Variants in CERS6 observed in about 807,000 individuals in gnomAD.
CERS6 encodes the protein ceramide synthase 6, also known as LAG1 homolog, ceramide synthase 6.
Under a neutral mutation model 56.8 loss-of-function variants are expected in CERS6, and 26 were observed. That is an observed-to-expected ratio of 0.46 (90% CI 0.34 to 0.63). CERS6 has a LOEUF of 0.63. Ranked by LOEUF, CERS6 falls within the 30% of genes least tolerant of loss-of-function variation. The pLI is 0.01. For synonymous variants in CERS6, 164 were observed against 173.3 expected, an observed-to-expected ratio of 0.95 and a Z score of 0.42; for missense variants, 415 against 467.5, an observed-to-expected ratio of 0.89 and a Z score of 1.04.
At chr2:168,593,667 A>C (rs1454074699) in intron 3 of CERS6, among the ~76,000 whole-genome samples, 1 of 152,232 alleles carries the variant, frequency 6.6e-6, no homozygotes, top group African/African-American at 2.4e-5. Flanking sequence ...TTGACAGGTC[A>C]GGAGATTCTG....
Position 168,456,694 on chromosome 2 carries a change from G to C in CERS6, c.170+76G>C. ...CGCACACACTCGCGCGCTCTCTGGCGCACGCCCCCGCGCCCCCAACGCTCG... is the reference window on the plus strand; with the variant it reads ...CGCACACACTCGCGCGCTCTCTGGCCCACGCCCCCGCGCCCCCAACGCTCG... On this transcript the variant is annotated intron_variant, in intron 1 of 9. Transcript: ENST00000305747. The surrounding 1 kb of genome is among the most constrained non-coding windows in gnomAD (Gnocchi z 4.1). 1 of 1,421,422 alleles carries C rather than the reference G, an allele frequency of 7.0e-7. No homozygotes were observed. The highest frequency in any genetic ancestry group is 1.3e-5 in the South Asian group (1 of 79,112). The allele number at this position is 1,421,422 out of a possible 1,614,324, so 88.1% of individuals were successfully genotyped here. A position where few individuals can be genotyped will look rare whatever the true frequency, so the allele number is the denominator to read the frequency against.
intron 3 of CERS6, among the ~76,000 whole-genome samples, chr2:168,622,019 T>A (rs1348422556): frequency 6.6e-6 from 1 of 152,242 alleles, no homozygotes; most frequent in South Asian, 2.1e-4. Context: ...ACAGAATCTT[T>A]TAATAATGAA....
chr2:168,751,355 A>C (rs1302296891), intron 8 of CERS6, among the ~76,000 whole-genome samples: 4 of 152,152 alleles, frequency 2.6e-5, no homozygotes, highest in Non-Finnish European at 4.4e-5. Flanking sequence ...CTACTGGATG[A>C]GGGGGAGGTG....
intron 8 of CERS6, among the ~76,000 whole-genome samples, chr2:168,728,769 G>A (rs1008775132): frequency 1.3e-5 from 2 of 151,768 alleles, no homozygotes; most frequent in Non-Finnish European, 2.9e-5. Context: ...ACTTTGGGAG[G>A]CCGAGGAGGG....
chr2:168,498,482 A>T (rs1694514951), intron 1 of CERS6, among the ~76,000 whole-genome samples: 1 of 152,192 alleles, frequency 6.6e-6, no homozygotes. Context: ...TACACCAAGC[A>T]GGGTGGCCGG....
intron 3 of CERS6, among the ~76,000 whole-genome samples, chr2:168,602,863 G>T (rs11678181): frequency 8.5e-5 from 13 of 152,060 alleles, no homozygotes; most frequent in Non-Finnish European, 1.6e-4. Flanking sequence ...CAAAAATACA[G>T]GTTCCTGTAG....
intron 6 of CERS6, among the ~76,000 whole-genome samples, chr2:168,712,250 T>G (rs73028479): frequency 0.025 from 3,764 of 152,268 alleles, 122 homozygotes; most frequent in African/African-American, 0.08. Context: ...CTGGTTTCTG[T>G]TGCCTTTGTA....
chr2:168,713,654 A>G lies in CERS6; in HGVS notation c.610-1347A>G, dbSNP rs557595225. 5.9e-5 allele frequency among the ~76,000 whole-genome samples: 9 copies of G among 152,270 alleles called. No homozygotes were observed. In the East Asian group the frequency reaches 1.7e-3, roughly 29 times the overall value. The stretch of plus-strand genomic sequence containing the variant: ...CAATTTACTGTTATTTCTGCAAAAT[A>G]TATTTTTTTCTAATGTCTATGGACA... On this transcript the variant is annotated intron_variant, in intron 6 of 9. Coordinates refer to ENST00000305747, the MANE Select transcript of CERS6 (RefSeq NM_203463.3).
chr2:168,664,302 T>C (rs989547340), intron 4 of CERS6, among the ~76,000 whole-genome samples: 2 of 152,114 alleles, frequency 1.3e-5, no homozygotes, highest in Non-Finnish European at 2.9e-5. Flanking sequence ...TCCACACAGA[T>C]GTGATGGCAC....
chr2:168,646,790 A>G (rs1344159451), intron 4 of CERS6, among the ~76,000 whole-genome samples: 1 of 152,156 alleles, frequency 6.6e-6, no homozygotes, highest in East Asian at 1.9e-4. Context: ...CATTTATTGA[A>G]TAGGGAGTCT....
chr2:168,480,445 A>T (rs1338207161), intron 1 of CERS6, among the ~76,000 whole-genome samples: 1 of 152,202 alleles, frequency 6.6e-6, no homozygotes, highest in Non-Finnish European at 1.5e-5. Flanking sequence ...GAACTTTGAA[A>T]TTATAAAACC....
intron 4 of CERS6, among the ~76,000 whole-genome samples, chr2:168,643,730 A>G (rs1323640774): frequency 1.3e-5 from 2 of 152,076 alleles, no homozygotes; most frequent in African/African-American, 2.4e-5. Context: ...AGCTTCTTCC[A>G]TCTTCAAAAT....
chr2:168,587,091 G>A (rs1325240896), intron 3 of CERS6, among the ~76,000 whole-genome samples: 1 of 152,042 alleles, frequency 6.6e-6, no homozygotes, highest in African/African-American at 2.4e-5. Flanking sequence ...AGGCATGAGA[G>A]TCCCTTGAAC....
chr2:168,557,363 A>C (rs1178405443), intron 2 of CERS6, among the ~76,000 whole-genome samples: 1 of 152,226 alleles, frequency 6.6e-6, no homozygotes, highest in East Asian at 1.9e-4. Flanking sequence ...TTAATGAAAT[A>C]GTATGATCTT....
chr2:168,482,308 C>T (rs1475292548), intron 1 of CERS6, among the ~76,000 whole-genome samples: 1 of 152,184 alleles, frequency 6.6e-6, no homozygotes, highest in Non-Finnish European at 1.5e-5. Flanking sequence ...GATCAATGGA[C>T]TTGGAAGTTC....
intron 5 of CERS6, among the ~76,000 whole-genome samples, chr2:168,692,907 A>G (rs1686542027): frequency 6.6e-6 from 1 of 152,276 alleles, no homozygotes. Context: ...CATGCTTATG[A>G]GACATATTTA....
At chr2:168,630,298 GTA>G (rs989643570) in intron 3 of CERS6, among the ~76,000 whole-genome samples, 48 of 46,198 alleles carry the variant, frequency 1.0e-3, no homozygotes, top group African/African-American at 2.9e-3. Context: ...TTTGTAATAA[GTA>G]TACACACACA....
chr2:168,631,004 CT>C lies in CERS6; in HGVS notation c.430del (p.Tyr144MetfsTer10). ...CESMWRFSFYLYVFTYGVRFL... is the reference protein window; with the variant it reads ...CESMWRFSFYXYVFTYGVRFL... ...CTACAGGTGGAGATTTTCATTTTAC[CT>C]TTATGTATTTACCTACGGAGTCAGA... is the stretch of plus-strand genomic sequence containing the variant. On this transcript the variant is annotated frameshift_variant, in exon 4 of 10. Coordinates refer to ENST00000305747, the MANE Select transcript of CERS6 (RefSeq NM_203463.3). LOFTEE classifies it high-confidence loss of function. 1 of 1,524,734 alleles carries C rather than the reference CT, an allele frequency of 6.6e-7. No homozygotes were observed. Among genetic ancestry groups the C allele is most frequent in the Non-Finnish European group, 8.9e-7 (1 of 1,118,992 alleles). 94.5% of individuals were successfully genotyped at this position (1,524,734 alleles called of 1,614,324 possible). A position where few individuals can be genotyped will look rare whatever the true frequency, so the allele number is the denominator to read the frequency against.
chr2:168,613,671 A>G (rs1684241036), intron 3 of CERS6, among the ~76,000 whole-genome samples: 1 of 152,200 alleles, frequency 6.6e-6, no homozygotes, highest in African/African-American at 2.4e-5. Flanking sequence ...CTGTTGCTAC[A>G]GTGTTTCCTG....
Sources: allele counts gnomAD v4.1 joint callset (sites outside exome capture counted in the v4.1 genomes callset), GRCh38; gene constraint gnomAD v4.1.1; non-coding constraint Gnocchi (gnomAD v3.1); transcripts MANE v1.5; gene names NCBI Gene and HGNC (gene_info 2026-07-23, HGNC 2026-07-21).